SLC12A6: variants seen among roughly 807,000 people sequenced by gnomAD.
The protein encoded by SLC12A6 is solute carrier family 12 member 6.
In SLC12A6, 66 loss-of-function variants were observed where a neutral mutation model predicts 135.3. The ratio of observed to expected loss-of-function variants is 0.49; its 90% confidence interval spans 0.40 to 0.60. The LOEUF is 0.60. Ranked by LOEUF, SLC12A6 falls within the 20% of genes least tolerant of loss-of-function variation. The probability of loss-of-function intolerance (pLI) is 0.00; values close to 1 mark genes in which losing one functional copy is unlikely to be tolerated. For missense variants in SLC12A6, 1,058 were observed against 1,452.3 expected (o/e 0.73, Z 4.41); for synonymous variants, 513 against 508.8 (o/e 1.01, Z -0.11).
intron 2 of SLC12A6, among the ~76,000 whole-genome samples, chr15:34,297,318 C>T (rs1895939963): frequency 6.6e-6 from 1 of 151,994 alleles, no homozygotes; most frequent in Non-Finnish European, 1.5e-5. Flanking sequence ...ACCATAAAAG[C>T]AGTGACTCAA....
intron 2 of SLC12A6, among the ~76,000 whole-genome samples, chr15:34,281,926 C>T (rs948713313): frequency 6.6e-6 from 1 of 151,078 alleles, no homozygotes; most frequent in African/African-American, 2.5e-5. Flanking sequence ...GACAAAAATC[C>T]TTATTTTAAT....
chr15:34,267,808 G>T (rs963990555), intron 3 of SLC12A6, among the ~76,000 whole-genome samples: 1 of 152,124 alleles, frequency 6.6e-6, no homozygotes, highest in African/African-American at 2.4e-5. Flanking sequence ...CTGCTTTCAA[G>T]ATCTTTTCTT....
chr15:34,268,010 G>A (rs1893646861), intron 3 of SLC12A6, among the ~76,000 whole-genome samples: 1 of 151,632 alleles, frequency 6.6e-6, no homozygotes, highest in Non-Finnish European at 1.5e-5. Flanking sequence ...CTTCCTAACT[G>A]CATCCTCTAC....
At chr15:34,254,311 C>G (rs745649055) in intron 9 of SLC12A6, 37 bp downstream of exon 9, 2 of 1,586,714 alleles carry the variant, frequency 1.3e-6, no homozygotes, top group Middle Eastern at 1.7e-4. Context: ...CAATTACTAC[C>G]CAATAAGGAT....
intron 2 of SLC12A6, among the ~76,000 whole-genome samples, chr15:34,312,431 A>G (rs931930037): frequency 1.3e-5 from 2 of 152,212 alleles, no homozygotes; most frequent in Non-Finnish European, 2.9e-5. Context: ...GGAGATACGA[A>G]AATGATCTGA....
chr15:34,336,580 T>C lies in SLC12A6; in HGVS notation c.101A>G (p.Asp34Gly), dbSNP rs759342996. ...DIPGLSDTSP[D>G]LSSRSSSRVR... is the part of the protein sequence containing the mutation. ...TCGGGAACTAGATCGAGAGCTGAGG[T>C]CCGGACTGGTGTCTGACAAACCTGG... The change falls in exon 2 of 26, where the codon GAC (aspartate) becomes GGC (glycine). Residue 34 changes from aspartate to glycine, a missense_variant. Coordinates refer to ENST00000354181, the MANE Select transcript of SLC12A6 (RefSeq NM_001365088.1). 2 of 1,613,768 alleles carry C rather than the reference T, an allele frequency of 1.2e-6. No homozygotes were observed. Among genetic ancestry groups the C allele is most frequent in the Non-Finnish European group, 1.7e-6 (2 of 1,179,810 alleles).
intron 2 of SLC12A6, among the ~76,000 whole-genome samples, chr15:34,279,448 C>T (rs1247149021): frequency 6.6e-6 from 1 of 152,122 alleles, no homozygotes; most frequent in South Asian, 2.1e-4. Context: ...TACAATTGTT[C>T]AGTGGATTTA....
At chr15:34,324,248 G>T (rs550323154) in intron 2 of SLC12A6, among the ~76,000 whole-genome samples, 3 of 151,916 alleles carry the variant, frequency 2.0e-5, no homozygotes, top group Non-Finnish European at 4.4e-5. Context: ...ATTATTCAAC[G>T]ATAAACAGGA....
At chr15:34,286,573 T>A (rs1486799837) in intron 2 of SLC12A6, among the ~76,000 whole-genome samples, 1 of 151,646 alleles carries the variant, frequency 6.6e-6, no homozygotes, top group African/African-American at 2.4e-5. Flanking sequence ...GGTGGGTGGA[T>A]CACTTGAGGT....
At chr15:34,240,612 T>A in intron 19 of SLC12A6, 49 bp downstream of exon 19, 1 of 1,517,360 alleles carries the variant, frequency 6.6e-7, no homozygotes, top group Non-Finnish European at 9.2e-7. Flanking sequence ...CTACTTAACA[T>A]CACAAAGCTG....
intron 2 of SLC12A6, among the ~76,000 whole-genome samples, chr15:34,316,996 T>C (rs1348637415): frequency 3.9e-5 from 6 of 152,154 alleles, no homozygotes; most frequent in African/African-American, 7.2e-5. Flanking sequence ...CAAATACACA[T>C]TAGCCTTACT....
chr15:34,260,537 C>T (rs981892036), intron 4 of SLC12A6, among the ~76,000 whole-genome samples: 2 of 152,192 alleles, frequency 1.3e-5, no homozygotes, highest in Non-Finnish European at 2.9e-5. Context: ...GGATTACAGG[C>T]GTGAGCCACC....
chr15:34,280,161 T>G (rs894062403), intron 2 of SLC12A6, among the ~76,000 whole-genome samples: 32 of 152,218 alleles, frequency 2.1e-4, no homozygotes, highest in African/African-American at 7.5e-4. Flanking sequence ...GAGAATCACT[T>G]TGTTTACCAT....
chr15:34,291,310 C>A (rs1895509220), intron 2 of SLC12A6, among the ~76,000 whole-genome samples: 1 of 152,176 alleles, frequency 6.6e-6, no homozygotes, highest in Non-Finnish European at 1.5e-5. Flanking sequence ...AATGTTGGCT[C>A]CCACTCTCTT....
Position 34,237,420 on chromosome 15 carries a change from A to G in SLC12A6, c.2933T>C (p.Met978Thr). Reference protein sequence around the residue: ...RIEAEVEVVEMHDSDISAYTY... With the variant: ...RIEAEVEVVETHDSDISAYTY... The stretch of plus-strand genomic sequence containing the variant: ...GTATCTCAAACTCAGCTTTCTCACC[A>G]TCTCCACCACTTCTACCTCCGCCTC... Residue 978 changes from methionine to threonine, a missense_variant and splice_region_variant, in exon 22 of 26, where the codon ATG becomes ACG. This residue lies in a region of SLC12A6 where 245 missense variants were observed against 440.8 expected (regional missense o/e 0.56). Coordinates refer to ENST00000354181, the MANE Select transcript of SLC12A6 (RefSeq NM_001365088.1). The G allele has an allele frequency of 6.2e-7, 1 of 1,612,112 alleles. No homozygotes were observed. The highest frequency in any genetic ancestry group is 8.5e-7 in the Non-Finnish European group (1 of 1,178,810).
intron 2 of SLC12A6, among the ~76,000 whole-genome samples, chr15:34,294,201 C>T (rs867251036): frequency 6.6e-6 from 1 of 152,134 alleles, no homozygotes; most frequent in Admixed American, 6.5e-5. Context: ...AACTCTTTTA[C>T]AGGTCTCTTG....
chr15:34,273,019 T>G (rs1464641191), intron 3 of SLC12A6, among the ~76,000 whole-genome samples: 1 of 152,170 alleles, frequency 6.6e-6, no homozygotes, highest in Non-Finnish European at 1.5e-5. Context: ...TACAGAAGAC[T>G]AATTTTGAGC....
intron 2 of SLC12A6, among the ~76,000 whole-genome samples, chr15:34,298,327 T>A (rs1265443967): frequency 6.6e-6 from 1 of 151,562 alleles, no homozygotes; most frequent in Non-Finnish European, 1.5e-5. Flanking sequence ...ATACAAAAAT[T>A]AGCTAGGCAT....
chr15:34,234,836 ACT>A (rs1206696108), intron 25 of SLC12A6, among the ~76,000 whole-genome samples: 1 of 152,056 alleles, frequency 6.6e-6, no homozygotes, highest in African/African-American at 2.4e-5. Flanking sequence ...TTCTCCCCTA[ACT>A]CTATCCAAAA....
Sources: allele counts gnomAD v4.1 joint callset (sites outside exome capture counted in the v4.1 genomes callset), GRCh38; gene constraint gnomAD v4.1.1; regional missense constraint gnomAD v4.1.1; transcripts MANE v1.5; gene names NCBI Gene and HGNC (gene_info 2026-07-23, HGNC 2026-07-21).